Variants in PIGU observed in about 807,000 individuals in gnomAD.
The protein encoded by PIGU is GPI-anchor transamidase component PIGU.
A neutral mutation model predicts 49.9 loss-of-function variants in PIGU; 24 were observed. The ratio of observed to expected loss-of-function variants is 0.48; its 90% CI spans 0.35 to 0.68. The LOEUF is 0.68. Among genes scored for constraint, PIGU ranks in the 30% least tolerant of loss-of-function variants. The pLI is 0.01. For missense variants in PIGU, 490 were observed against 532.6 expected (o/e 0.92, Z 0.79); for synonymous variants, 220 against 205.7 (o/e 1.07, Z -0.59).
At chr20:34,649,813 G>C (rs1449674425) in intron 2 of PIGU, among the ~76,000 whole-genome samples, 1 of 148,094 alleles carries the variant, frequency 6.8e-6, no homozygotes. Context: ...GGTATTACAG[G>C]CATGAGCCAC....
chr20:34,613,239 A>G (rs1327583265), intron 7 of PIGU, among the ~76,000 whole-genome samples: 1 of 151,164 alleles, frequency 6.6e-6, no homozygotes, highest in African/African-American at 2.4e-5. Flanking sequence ...AGCTCTTCCT[A>G]CTCCCATCTA....
At chr20:34,584,501 GTTCT>G (rs1255640165) in intron 9 of PIGU, among the ~76,000 whole-genome samples, 241 of 125,102 alleles carry the variant, frequency 1.9e-3, no homozygotes, top group African/African-American at 6.6e-3. Flanking sequence ...CACAACTCCT[GTTCT>G]TTTTTTTTTT....
At chr20:34,671,154 A>G (rs190592819) in intron 1 of PIGU, among the ~76,000 whole-genome samples, 4 of 152,218 alleles carry the variant, frequency 2.6e-5, no homozygotes, top group Non-Finnish European at 4.4e-5. Flanking sequence ...AATGGGGTTG[A>G]TAACAGTTTG....
chr20:34,609,990 T>C (rs1291332129), intron 7 of PIGU, among the ~76,000 whole-genome samples: 1 of 152,146 alleles, frequency 6.6e-6, no homozygotes, highest in African/African-American at 2.4e-5. Context: ...GTGGACGTGT[T>C]TGCTTCCCCT....
intron 1 of PIGU, among the ~76,000 whole-genome samples, chr20:34,673,177 C>A (rs1987367146): frequency 6.6e-6 from 1 of 150,564 alleles, no homozygotes; most frequent in South Asian, 2.1e-4. Flanking sequence ...TGGCGTAAAC[C>A]CGGGAGGCGG....
At chr20:34,660,163 G>A (rs2146788116) in intron 1 of PIGU, among the ~76,000 whole-genome samples, 2 of 151,690 alleles carry the variant, frequency 1.3e-5, no homozygotes, top group Middle Eastern at 3.5e-3. Flanking sequence ...AAATGTAGAA[G>A]GAACAAAGAA....
intron 6 of PIGU, among the ~76,000 whole-genome samples, chr20:34,631,826 G>A (rs1377061890): frequency 4.7e-5 from 4 of 84,294 alleles, no homozygotes; most frequent in Middle Eastern, 9.4e-3. Flanking sequence ...TAGTAGAGAC[G>A]GGGTTTCACC....
At chr20:34,649,912 G>A (rs1289215005) in intron 2 of PIGU, among the ~76,000 whole-genome samples, 4 of 144,582 alleles carry the variant, frequency 2.8e-5, no homozygotes, top group African/African-American at 1.0e-4. Context: ...GCAGTGGCGC[G>A]ATCTCGGCTC....
chr20:34,635,047 A>G (rs1985915245), intron 5 of PIGU, among the ~76,000 whole-genome samples: 1 of 152,240 alleles, frequency 6.6e-6, no homozygotes, highest in Admixed American at 6.5e-5. Flanking sequence ...CTGAGTCTCA[A>G]TGGTAAAGCG....
chr20:34,607,075 C>T (rs1984643028), intron 7 of PIGU, among the ~76,000 whole-genome samples: 1 of 152,178 alleles, frequency 6.6e-6, no homozygotes, highest in Non-Finnish European at 1.5e-5. Flanking sequence ...ATGTATTTTT[C>T]CCTTTGCTAT....
chr20:34,631,263 G>C (rs571804501), intron 6 of PIGU, among the ~76,000 whole-genome samples: 13 of 151,992 alleles, frequency 8.6e-5, no homozygotes, highest in African/African-American at 2.7e-4. Flanking sequence ...GAAAAAGTAA[G>C]AGAAAGTAAG....
intron 7 of PIGU, among the ~76,000 whole-genome samples, chr20:34,611,648 G>GAAAAAAAAAAAAAAAAAACAAAAA (rs146531122): frequency 1.5e-5 from 1 of 65,010 alleles, no homozygotes; most frequent in African/African-American, 5.6e-5. Flanking sequence ...TCAAGTCTCA[G>GAAAAAAAAAAAAAAAAAACAAAAA]AAAAAAAAAA....
At chr20:34,563,926 C>G (rs1490786438) in intron 11 of PIGU, among the ~76,000 whole-genome samples, 1 of 152,154 alleles carries the variant, frequency 6.6e-6, no homozygotes, top group Non-Finnish European at 1.5e-5. Flanking sequence ...CTGGGGTATT[C>G]TTTCTAAAAA....
chr20:34,623,390 A>C (rs1188426616), intron 6 of PIGU, among the ~76,000 whole-genome samples: 1 of 151,810 alleles, frequency 6.6e-6, no homozygotes, highest in East Asian at 1.9e-4. Context: ...TAACGATGAT[A>C]ATTTATTGAG....
intron 7 of PIGU, among the ~76,000 whole-genome samples, chr20:34,599,781 T>A (rs1984342740): frequency 1.3e-5 from 2 of 152,230 alleles, no homozygotes; most frequent in African/African-American, 4.8e-5. Flanking sequence ...ACAGCATTAC[T>A]GTTAATAGAT....
chr20:34,638,306 CCA>C (rs960108132), intron 4 of PIGU, among the ~76,000 whole-genome samples: 1 of 152,212 alleles, frequency 6.6e-6, no homozygotes, highest in African/African-American at 2.4e-5. Context: ...CTTTCCCTCA[CCA>C]CCCCACACCC....
intron 11 of PIGU, among the ~76,000 whole-genome samples, chr20:34,565,554 G>A (rs945283405): frequency 4.0e-5 from 6 of 151,714 alleles, no homozygotes; most frequent in Admixed American, 1.3e-4. Flanking sequence ...CACCGCGCCC[G>A]GCCGGGCTCC....
chr20:34,659,285 C>T (rs1488225465), intron 1 of PIGU, among the ~76,000 whole-genome samples: 7 of 142,544 alleles, frequency 4.9e-5, no homozygotes, highest in African/African-American at 1.4e-4. Context: ...CCAGCCACCC[C>T]GTCCGGGAGG....
chr20:34,668,461 CAA>C (rs1209882512), intron 1 of PIGU, among the ~76,000 whole-genome samples: 4 of 21,266 alleles, frequency 1.9e-4, no homozygotes, highest in African/African-American at 9.8e-4. Flanking sequence ...GACTCCGTCT[CAA>C]AAAAAAAAAA....
Sources: allele counts gnomAD v4.1 joint callset (sites outside exome capture counted in the v4.1 genomes callset), GRCh38; gene constraint gnomAD v4.1.1; transcripts MANE v1.5; gene names NCBI Gene and HGNC (gene_info 2026-07-23, HGNC 2026-07-21).